Variants in EXOC6B observed in about 807,000 individuals in gnomAD.
EXOC6B encodes SEC15 homolog B.
Under a neutral mutation model 113.5 loss-of-function variants are expected in EXOC6B, and 54 were observed. The observed-to-expected ratio is 0.48, with a 90% CI of 0.38 to 0.60. The LOEUF is 0.60. Ranked by LOEUF, EXOC6B falls within the 20% of genes least tolerant of loss-of-function variation. The probability of loss-of-function intolerance (pLI) is 0.00; values close to 1 mark genes in which losing one functional copy is unlikely to be tolerated. For synonymous variants in EXOC6B, 357 were observed against 339.0 expected, an observed-to-expected ratio of 1.05 and a Z score of -0.58; for missense variants, 797 against 977.5, an observed-to-expected ratio of 0.82 and a Z score of 2.46.
intron 17 of EXOC6B, among the ~76,000 whole-genome samples, chr2:72,476,429 G>A (rs1424035378): frequency 6.6e-6 from 1 of 152,100 alleles, no homozygotes; most frequent in African/African-American, 2.4e-5. Flanking sequence ...GAGGAGGTGA[G>A]TATGAAATAC....
At chr2:72,738,601 T>G (rs944009301) in intron 2 of EXOC6B, among the ~76,000 whole-genome samples, 31 of 152,362 alleles carry the variant, frequency 2.0e-4, no homozygotes, top group African/African-American at 7.5e-4. Flanking sequence ...CAGATACTTT[T>G]GTCCAGCTGA....
At chr2:72,551,258 C>T (rs1198143281) in intron 8 of EXOC6B, among the ~76,000 whole-genome samples, 2 of 152,054 alleles carry the variant, frequency 1.3e-5, no homozygotes, top group African/African-American at 2.4e-5. Context: ...AGTGCAGTGG[C>T]GCGATCTCGG....
intron 14 of EXOC6B, 87 bp from the exon 15 acceptor site, chr2:72,495,626 T>C (rs995476259): frequency 1.2e-5 from 9 of 725,274 alleles, no homozygotes; most frequent in Non-Finnish European, 2.1e-5. Context: ...AAAAAGAACA[T>C]TCTTTCACAT....
chr2:72,396,980 A>G (rs1199804659), intron 18 of EXOC6B, among the ~76,000 whole-genome samples: 1 of 152,126 alleles, frequency 6.6e-6, no homozygotes, highest in Non-Finnish European at 1.5e-5. Flanking sequence ...TACTGAAAAA[A>G]AAAAAAACAT....
intron 11 of EXOC6B, among the ~76,000 whole-genome samples, chr2:72,504,085 T>C (rs1197408723): frequency 6.6e-6 from 1 of 152,080 alleles, no homozygotes. Context: ...TTTTTTAATT[T>C]TTTTTGTAGA....
intron 20 of EXOC6B, among the ~76,000 whole-genome samples, chr2:72,281,338 A>G (rs6758462): frequency 0.37 from 57,033 of 152,108 alleles, 14,208 homozygotes; most frequent in African/African-American, 0.71. Context: ...AAAAGTTATC[A>G]GACTTATCAA....
intron 1 of EXOC6B, among the ~76,000 whole-genome samples, chr2:72,813,244 G>A (rs182859571): frequency 2.6e-5 from 4 of 151,704 alleles, no homozygotes; most frequent in Admixed American, 1.3e-4. Context: ...TGCATGCCAC[G>A]ATGCCCAGCT....
intron 17 of EXOC6B, among the ~76,000 whole-genome samples, chr2:72,466,558 C>T (rs949864454): frequency 2.0e-5 from 3 of 151,864 alleles, no homozygotes; most frequent in African/African-American, 7.3e-5. Context: ...TACATTTTCA[C>T]GTTTTAAAAG....
At chr2:72,401,958 A>AT (rs201966267) in intron 18 of EXOC6B, among the ~76,000 whole-genome samples, 1 of 151,582 alleles carries the variant, frequency 6.6e-6, no homozygotes, top group South Asian at 2.1e-4. Context: ...CTGACATAAG[A>AT]TTTTTTTTAA....
chr2:72,441,826 A>G (rs886599981), intron 18 of EXOC6B, among the ~76,000 whole-genome samples: 2 of 152,238 alleles, frequency 1.3e-5, no homozygotes, highest in Non-Finnish European at 2.9e-5. Context: ...CCAGATGTAC[A>G]AAGAAGAGCA....
chr2:72,333,154 T>A (rs904900331), intron 20 of EXOC6B, among the ~76,000 whole-genome samples: 6 of 151,936 alleles, frequency 3.9e-5, no homozygotes, highest in Non-Finnish European at 7.4e-5. Context: ...TAAAACATTA[T>A]AAAAGCAACT....
chr2:72,340,649 A>G (rs546004958), intron 19 of EXOC6B, among the ~76,000 whole-genome samples: 2 of 152,180 alleles, frequency 1.3e-5, no homozygotes, highest in East Asian at 1.9e-4. Flanking sequence ...ATAAGTAGGG[A>G]AAAAAAGCAT....
chr2:72,355,163 G>C (rs946934276), intron 19 of EXOC6B, among the ~76,000 whole-genome samples: 1 of 152,078 alleles, frequency 6.6e-6, no homozygotes, highest in African/African-American at 2.4e-5. Context: ...CTCCTACAGA[G>C]AAAACAAGGA....
chr2:72,227,596 C>A (rs1477119168), intron 20 of EXOC6B, among the ~76,000 whole-genome samples: 5 of 152,116 alleles, frequency 3.3e-5, no homozygotes, highest in Admixed American at 3.3e-4. Context: ...AAGAGCACAA[C>A]TGATATGTTT....
At chr2:72,696,034 A>G (rs538729922) in intron 6 of EXOC6B, among the ~76,000 whole-genome samples, 1 of 152,354 alleles carries the variant, frequency 6.6e-6, no homozygotes, top group South Asian at 2.1e-4. Context: ...TCTTAAAAAA[A>G]AGAAAGAAAC....
chr2:72,239,060 G>T (rs1351225809), intron 20 of EXOC6B, among the ~76,000 whole-genome samples: 1 of 151,994 alleles, frequency 6.6e-6, no homozygotes, highest in South Asian at 2.1e-4. Flanking sequence ...CACTGCACCC[G>T]GCTAATTTTT....
chr2:72,329,769 A>G (rs184946350), intron 20 of EXOC6B, among the ~76,000 whole-genome samples: 2 of 152,200 alleles, frequency 1.3e-5, no homozygotes, highest in East Asian at 3.9e-4. Context: ...TAACTAACCA[A>G]AGGTACGGGT....
intron 18 of EXOC6B, 52 bp downstream of exon 18, chr2:72,465,108 T>A (rs1438912499): frequency 1.4e-6 from 2 of 1,461,082 alleles, no homozygotes; most frequent in South Asian, 2.5e-5. Context: ...CAAACTAAAT[T>A]ATAAGGAAAT....
At chr2:72,571,884 C>T (rs1704533933) in intron 7 of EXOC6B, among the ~76,000 whole-genome samples, 1 of 151,852 alleles carries the variant, frequency 6.6e-6, no homozygotes, top group Admixed American at 6.6e-5. Flanking sequence ...TCCTCTTATG[C>T]ATCATTAAGC....
Sources: gnomAD v4.1 joint callset for allele counts (sites outside exome capture counted in the v4.1 genomes callset) on GRCh38, gnomAD v4.1.1 for gene constraint, MANE v1.5 for transcripts, NCBI Gene and HGNC (gene_info 2026-07-23, HGNC 2026-07-21) for gene names.